Variants in SEC14L6 observed in about 807,000 individuals in gnomAD.
SEC14L6 encodes SEC14 like lipid binding 6.
In SEC14L6, 40 loss-of-function variants were observed where a neutral mutation model predicts 54.1. That is an observed-to-expected ratio of 0.74 (90% CI 0.57 to 0.96). The LOEUF is 0.96. SEC14L6 is among the 40% of genes least tolerant of loss of function. SEC14L6 has a pLI of 0.00. For synonymous variants in SEC14L6, 171 were observed against 198.4 expected, an observed-to-expected ratio of 0.86 and a Z score of 1.16; for missense variants, 471 against 498.3, an observed-to-expected ratio of 0.95 and a Z score of 0.52.
Position 30,538,921 on chromosome 22 carries a change from A to G in SEC14L6, c.55-19T>C. 6.5e-7 allele frequency: 1 copy of G among 1,544,052 alleles called. No homozygotes were observed. Among genetic ancestry groups the G allele is most frequent in the Non-Finnish European group, 8.8e-7 (1 of 1,140,454 alleles). ...CCCGGAACTGAGGACAGACAGGGAG[A>G]GACCTGGGTCAGAGGCCAACCACCC... On this transcript the variant is annotated intron_variant, in intron 1 of 11. Transcript: ENST00000402034.
intron 3 of SEC14L6, 30 bp downstream of exon 3, chr22:30,533,966 A>G: frequency 6.5e-7 from 1 of 1,547,218 alleles, no homozygotes; most frequent in Non-Finnish European, 8.7e-7. Flanking sequence ...AAACAGGACC[A>G]GGCTAGGCAG....
chr22:30,535,784 T>C (rs756011567), intron 2 of SEC14L6, among the ~76,000 whole-genome samples: 5 of 152,082 alleles, frequency 3.3e-5, no homozygotes, highest in Non-Finnish European at 5.9e-5. Context: ...AACCATAGCT[T>C]ACTGCAACCT....
At chr22:30,529,434 G>GCA (rs1444555473) in intron 6 of SEC14L6, 85 bp from the exon 7 acceptor site, 3 of 1,113,344 alleles carry the variant, frequency 2.7e-6, no homozygotes, top group Admixed American at 2.0e-5. Context: ...GGACCCAAGG[G>GCA]CACAGCCTTG....
intron 3 of SEC14L6, chr22:30,533,068 G>T (rs143960981): frequency 2.0e-6 from 2 of 985,374 alleles, no homozygotes; most frequent in Non-Finnish European, 2.4e-6. Context: ...CCTAGAAAGG[G>T]ACAGGGGAGG....
chr22:30,537,680 C>G (rs1366873179), intron 2 of SEC14L6, among the ~76,000 whole-genome samples: 1 of 152,202 alleles, frequency 6.6e-6, no homozygotes, highest in Non-Finnish European at 1.5e-5. Context: ...ATGAAGTTCT[C>G]TCTGTTTTTA....
chr22:30,543,130 G>A lies in SEC14L6; in HGVS notation c.54+3499C>T, dbSNP rs539948358. On this transcript the variant is annotated intron_variant, in intron 1 of 11. Coordinates refer to ENST00000402034, the MANE Select transcript of SEC14L6 (RefSeq NM_001193336.4). ...CATCAGCCTGAAATGGTTCAAAAAT[G>A]GGAATCAGCTCTCAGACTTCCAGAC... The A allele has an allele frequency of 2.8e-3, 4,547 of 1,603,396 alleles. 14 individuals carry two copies. Among genetic ancestry groups the A allele is most frequent in the Non-Finnish European group, 3.6e-3 (4,243 of 1,170,954 alleles).
chr22:30,528,311 C>G (rs143512640), intron 8 of SEC14L6, among the ~76,000 whole-genome samples: 1 of 151,172 alleles, frequency 6.6e-6, no homozygotes, highest in Non-Finnish European at 1.5e-5. Flanking sequence ...TTAGTAGAGA[C>G]GGGGTTTCAC....
At chr22:30,525,301 C>T (rs753552501) in intron 11 of SEC14L6, 49 bp downstream of exon 11, 120 of 1,588,334 alleles carry the variant, frequency 7.6e-5, no homozygotes, top group Non-Finnish European at 8.9e-5. Flanking sequence ...TTGTAGCACC[C>T]TCCCCCTAGC....
intron 1 of SEC14L6, among the ~76,000 whole-genome samples, chr22:30,541,656 T>A (rs1332755034): frequency 4.0e-5 from 6 of 149,816 alleles, no homozygotes. Context: ...AGACTCCATC[T>A]CAAAAAAGAA....
Position 30,524,978 on chromosome 22 carries a change from T to C in SEC14L6, c.*19A>G, listed in dbSNP as rs41282475. The C allele has an allele frequency of 0.083, 102,225 of 1,236,686 alleles. 4,700 individuals are homozygous for C. Among genetic ancestry groups the C allele is most frequent in the South Asian group, 0.1 (7,806 of 77,814 alleles). The allele number at this position is 1,236,686 out of a possible 1,614,324, so 76.6% of individuals were successfully genotyped here. The stretch of plus-strand genomic sequence containing the variant: ...GATTCAGAGATCAAAGAGGAGGGTG[T>C]GGGGACCATGAGGTTCACCTAGAAT... On this transcript the variant is annotated 3_prime_UTR_variant, in exon 12 of 12. Transcript: ENST00000402034.
intron 2 of SEC14L6, among the ~76,000 whole-genome samples, chr22:30,536,764 C>G (rs1302108422): frequency 6.6e-6 from 1 of 152,108 alleles, no homozygotes; most frequent in Non-Finnish European, 1.5e-5. Context: ...GTGGCTCACA[C>G]CTGTAATCCC....
chr22:30,530,477 T>C (rs1025647153), intron 6 of SEC14L6, among the ~76,000 whole-genome samples: 9 of 152,206 alleles, frequency 5.9e-5, no homozygotes, highest in African/African-American at 2.2e-4. Flanking sequence ...CTCAACTCAC[T>C]GCAACCTCGA....
intron 8 of SEC14L6, among the ~76,000 whole-genome samples, chr22:30,527,731 A>AC: frequency 6.6e-6 from 1 of 151,288 alleles, no homozygotes; most frequent in African/African-American, 2.4e-5. Context: ...AAAAAAAAAA[A>AC]AAAAAAAAAG....
intron 1 of SEC14L6, among the ~76,000 whole-genome samples, chr22:30,539,447 C>A (rs1202237545): frequency 6.6e-6 from 1 of 152,172 alleles, no homozygotes; most frequent in Non-Finnish European, 1.5e-5. Flanking sequence ...AGAAGCTTTA[C>A]AAGCCTGACT....
intron 2 of SEC14L6, among the ~76,000 whole-genome samples, chr22:30,537,543 CAGG>C (rs2085620654): frequency 6.6e-6 from 1 of 152,170 alleles, no homozygotes; most frequent in East Asian, 1.9e-4. Context: ...CGCTTGAGCC[CAGG>C]AGGTCAAGGC....
Position 30,538,808 on chromosome 22 carries a change from C to G in SEC14L6, c.130+19G>C, listed in dbSNP as rs1472780575. ...TTTCATGCCATTGACCCTACCCCAG[C>G]CCCACGCTCTATCCTTACCTTGGAG... On this transcript the variant is annotated intron_variant, in intron 2 of 11. Transcript: ENST00000402034. 3 of 1,534,214 alleles carry G rather than the reference C, an allele frequency of 2.0e-6. No homozygotes were observed. Among genetic ancestry groups the G allele is most frequent in the Non-Finnish European group, 2.7e-6 (3 of 1,130,566 alleles).
rs1268841690 is a variant in SEC14L6, at chr22:30,525,903, T to C, written c.694A>G (p.Ile232Val). Residue 232 changes from isoleucine to valine, a missense_variant, in exon 9 of 12, where the codon ATC (isoleucine) becomes GTC (valine). Physicochemically the swap from Ile to Val is conservative, Grantham distance 29 (BLOSUM62 3). Transcript: ENST00000402034. ...DNWKQELTKF[I>V]SPDQLPVEFG... ...TCCACGGGCAGCTGGTCGGGGCTGA[T>C]GAATTTTGTCAGCTCCTGCTTCCAG... 1 of 1,612,404 alleles carries C rather than the reference T, an allele frequency of 6.2e-7. No individual in the cohort carries two copies. Among genetic ancestry groups the C allele is most frequent in the East Asian group, 2.2e-5 (1 of 44,874 alleles).
intron 8 of SEC14L6, 50 bp from the exon 9 acceptor site, chr22:30,525,982 G>T (rs1376321082): frequency 1.3e-6 from 2 of 1,552,188 alleles, no homozygotes; most frequent in Non-Finnish European, 1.7e-6. Flanking sequence ...AGACTCAACA[G>T]AGGGCAGAGG....
Position 30,546,717 on chromosome 22 carries a change from GC to G in SEC14L6, c.-36del. 3.9e-6 allele frequency: 6 copies of G among 1,540,306 alleles called. No individual in the cohort carries two copies. The highest frequency in any genetic ancestry group is 3.3e-4 in the Middle Eastern group (2 of 5,974). ...GAATGGGTCCAGGCTCCACTCTGTGGCTCCCTCCAGGTGGCCTGCCTTTTGC... is the reference window on the plus strand; with the variant it reads ...GAATGGGTCCAGGCTCCACTCTGTGGTCCCTCCAGGTGGCCTGCCTTTTGC... On this transcript the variant is annotated 5_prime_UTR_variant, in exon 1 of 12. Coordinates refer to ENST00000402034, the MANE Select transcript of SEC14L6 (RefSeq NM_001193336.4).
Sources: gnomAD v4.1 joint callset for allele counts (sites outside exome capture counted in the v4.1 genomes callset) on GRCh38, gnomAD v4.1.1 for gene constraint, MANE v1.5 for transcripts, NCBI Gene and HGNC (gene_info 2026-07-23, HGNC 2026-07-21) for gene names.